ADAMTSL1: variants seen among roughly 807,000 people sequenced by gnomAD.
ADAMTSL1 encodes ADAMTS like 1.
A neutral mutation model predicts 201.8 loss-of-function variants in ADAMTSL1; 126 were observed. That is an observed-to-expected ratio of 0.62 (90% CI 0.54 to 0.72). ADAMTSL1 has a LOEUF of 0.72. ADAMTSL1 is among the 30% of genes least tolerant of loss of function. The pLI is 0.00. For missense variants in ADAMTSL1, 2,679 were observed against 2,277.8 expected (o/e 1.18, Z -3.59); for synonymous variants, 1,121 against 903.4 (o/e 1.24, Z -4.32).
At chr9:18,774,586 A>C (rs1255688587) in intron 17 of ADAMTSL1, among the ~76,000 whole-genome samples, 2 of 152,036 alleles carry the variant, frequency 1.3e-5, no homozygotes. Flanking sequence ...TTGTCTTCTA[A>C]TTGTATGTTT....
chr9:18,612,488 G>A (rs958995529), intron 4 of ADAMTSL1, among the ~76,000 whole-genome samples: 1 of 152,086 alleles, frequency 6.6e-6, no homozygotes, highest in African/African-American at 2.4e-5. Context: ...ACTGTTCTAG[G>A]TGGACAGTGA....
At chr9:18,629,779 T>C (rs1826629399) in intron 5 of ADAMTSL1, among the ~76,000 whole-genome samples, 1 of 152,172 alleles carries the variant, frequency 6.6e-6, no homozygotes, top group Admixed American at 6.6e-5. Context: ...TTGCTTGTCT[T>C]CTTTTTTTCT....
intron 2 of ADAMTSL1, among the ~76,000 whole-genome samples, chr9:18,193,224 G>C (rs1318829256): frequency 6.6e-6 from 1 of 152,166 alleles, no homozygotes; most frequent in Non-Finnish European, 1.5e-5. Context: ...GGTGTGTCAA[G>C]TCACTATAAG....
chr9:18,171,837 A>T (rs553969878), intron 2 of ADAMTSL1, among the ~76,000 whole-genome samples: 2 of 152,194 alleles, frequency 1.3e-5, no homozygotes, highest in East Asian at 3.9e-4. Flanking sequence ...TCTTTAATCC[A>T]TCTTGAGTTA....
intron 2 of ADAMTSL1, among the ~76,000 whole-genome samples, chr9:18,446,464 A>G (rs188492894): frequency 5.9e-4 from 90 of 152,380 alleles, no homozygotes; most frequent in Non-Finnish European, 1.2e-3. Context: ...TTTAAAATCA[A>G]TTAGAATTCT....
chr9:18,119,814 A>G (rs536867923), intron 1 of ADAMTSL1, among the ~76,000 whole-genome samples: 1 of 152,224 alleles, frequency 6.6e-6, no homozygotes, highest in African/African-American at 2.4e-5. Context: ...CTGCTCAATG[A>G]GTAACAGAAA....
intron 2 of ADAMTSL1, among the ~76,000 whole-genome samples, chr9:18,255,801 C>A (rs1255929615): frequency 6.6e-6 from 1 of 152,188 alleles, no homozygotes; most frequent in Non-Finnish European, 1.5e-5. Flanking sequence ...TGCCTCTTTC[C>A]CTGGTCTCCA....
chr9:18,041,045 C>A (rs1330219936), intron 1 of ADAMTSL1, among the ~76,000 whole-genome samples: 4 of 152,086 alleles, frequency 2.6e-5, no homozygotes, highest in Non-Finnish European at 5.9e-5. Flanking sequence ...ACTAGGGGGG[C>A]AATAGTGATC....
At chr9:18,537,900 A>G (rs1279259842) in intron 3 of ADAMTSL1, among the ~76,000 whole-genome samples, 2 of 136,372 alleles carry the variant, frequency 1.5e-5, no homozygotes, top group African/African-American at 5.7e-5. Context: ...AAAAGAAGAA[A>G]GAAGAAGAAG....
intron 2 of ADAMTSL1, among the ~76,000 whole-genome samples, chr9:18,176,007 C>CAAAAAAAAAAA (rs57982328): frequency 3.2e-5 from 2 of 62,576 alleles, no homozygotes; most frequent in African/African-American, 1.4e-4. Context: ...AGAGGGAAAG[C>CAAAAAAAAAAA]AAAAAAAAAA....
At chr9:18,270,168 A>T (rs1832300469) in intron 2 of ADAMTSL1, among the ~76,000 whole-genome samples, 1 of 152,074 alleles carries the variant, frequency 6.6e-6, no homozygotes, top group African/African-American at 2.4e-5. Flanking sequence ...GGTGTCTGGT[A>T]AAGACCCACT....
At chr9:18,354,180 A>C (rs559233420) in intron 2 of ADAMTSL1, among the ~76,000 whole-genome samples, 4 of 151,358 alleles carry the variant, frequency 2.6e-5, no homozygotes, top group Non-Finnish European at 5.9e-5. Flanking sequence ...ATACATATTT[A>C]TATTATCTTT....
At chr9:18,754,482 C>G (rs1191954773) in intron 16 of ADAMTSL1, among the ~76,000 whole-genome samples, 1 of 152,208 alleles carries the variant, frequency 6.6e-6, no homozygotes, top group African/African-American at 2.4e-5. Flanking sequence ...ACATACATCT[C>G]TGTTTCACTG....
At chr9:18,593,739 T>C (rs1276942356) in intron 4 of ADAMTSL1, among the ~76,000 whole-genome samples, 1 of 152,136 alleles carries the variant, frequency 6.6e-6, no homozygotes, top group African/African-American at 2.4e-5. Context: ...TGTTATTAAT[T>C]TCTAGTTTTA....
intron 1 of ADAMTSL1, among the ~76,000 whole-genome samples, chr9:18,480,028 T>C (rs1165801198): frequency 6.6e-6 from 1 of 152,236 alleles, no homozygotes; most frequent in Non-Finnish European, 1.5e-5. Flanking sequence ...TTAGAATGAA[T>C]CATTTTGGAT....
At chr9:18,470,333 T>G (rs377095218), upstream of ADAMTSL1, among the ~76,000 whole-genome samples, 1 of 152,230 alleles carries the variant, frequency 6.6e-6, no homozygotes, top group Admixed American at 6.5e-5. Context: ...CTAGGTGAGT[T>G]GGCAAGTTGT....
At position 18,224,508 on chromosome 9, in the gene ADAMTSL1, A is replaced by C. The variant is rs938225925; in HGVS notation, c.207+60527A>C. Among the ~76,000 whole-genome samples the C allele has an allele frequency of 3.9e-5, 6 of 152,280 alleles. No homozygotes were observed. In the East Asian group the frequency reaches 1.2e-3, roughly 29 times the overall value. On this transcript the variant is annotated intron_variant, in intron 2 of 29. Coordinates refer to the ADAMTSL1 transcript ENST00000680146. ...TTTTGGTGGAGACAAAAATATTCAC[A>C]TCATAACATTCTGCTGCTGGCCCCC...
At chr9:18,769,402 C>T (rs964007564) in intron 16 of ADAMTSL1, among the ~76,000 whole-genome samples, 4 of 152,172 alleles carry the variant, frequency 2.6e-5, no homozygotes, top group Non-Finnish European at 1.5e-5. Context: ...TAAAATTTTA[C>T]AATAAAATAT....
At chr9:18,188,714 C>G (rs774919118) in intron 2 of ADAMTSL1, among the ~76,000 whole-genome samples, 16 of 152,164 alleles carry the variant, frequency 1.1e-4, no homozygotes, top group Non-Finnish European at 2.4e-4. Context: ...TGGGTCAACC[C>G]TCCTTGGTGC....
Sources: gnomAD v4.1 joint callset for allele counts (sites outside exome capture counted in the v4.1 genomes callset) on GRCh38, gnomAD v4.1.1 for gene constraint, MANE v1.5 for transcripts, NCBI Gene and HGNC (gene_info 2026-07-23, HGNC 2026-07-21) for gene names.